TBCA: variants seen among roughly 807,000 people sequenced by gnomAD.
The protein encoded by TBCA is tubulin folding cofactor A.
In TBCA, 6 loss-of-function variants were observed where a neutral mutation model predicts 15.8. The observed-to-expected ratio is 0.38, with a 90% CI of 0.21 to 0.75. TBCA has a LOEUF of 0.75. Ranked by LOEUF, TBCA falls within the 30% of genes least tolerant of loss-of-function variation. The pLI, the probability that TBCA is intolerant of heterozygous loss-of-function variation, is 0.46. For synonymous variants in TBCA, 32 were observed against 42.3 expected (o/e 0.76, Z 0.94); for missense variants, 90 against 131.2 (o/e 0.69, Z 1.53).
At chr5:77,738,384 C>T (rs1167730974) in intron 1 of TBCA, among the ~76,000 whole-genome samples, 4 of 152,102 alleles carry the variant, frequency 2.6e-5, no homozygotes, top group Admixed American at 2.0e-4. Flanking sequence ...AGTTACTTGC[C>T]CCCTGACCCT....
intron 3 of TBCA, chr5:77,691,705 T>C: frequency 7.6e-7 from 1 of 1,307,346 alleles, no homozygotes; most frequent in Non-Finnish European, 9.7e-7. Context: ...CTGGTGGTTT[T>C]GTTTCACTGT....
intron 1 of TBCA, among the ~76,000 whole-genome samples, chr5:77,756,743 A>T (rs1478983606): frequency 1.3e-5 from 2 of 152,154 alleles, no homozygotes; most frequent in Non-Finnish European, 2.9e-5. Context: ...TTCACTGTAC[A>T]GGGTAGTCTC....
At chr5:77,735,703 A>T (rs889994792) in intron 1 of TBCA, among the ~76,000 whole-genome samples, 9 of 152,214 alleles carry the variant, frequency 5.9e-5, no homozygotes, top group African/African-American at 1.9e-4. Context: ...TCTATTAAAA[A>T]TTCAATACAA....
chr5:77,720,591 G>A (rs543900633), intron 1 of TBCA, among the ~76,000 whole-genome samples: 23 of 152,206 alleles, frequency 1.5e-4, no homozygotes, highest in African/African-American at 5.5e-4. Context: ...GCGGGCCCCT[G>A]TAATCCCAGC....
intron 2 of TBCA, among the ~76,000 whole-genome samples, chr5:77,696,416 A>G (rs553581897): frequency 6.6e-6 from 1 of 152,152 alleles, no homozygotes; most frequent in South Asian, 2.1e-4. Context: ...TGTAAGAAGA[A>G]TCTTAAGTCA....
Position 77,758,101 on chromosome 5 carries a change from A to T in TBCA, c.53+18104T>A, listed in dbSNP as rs183444320. ...TGGAAGAGACCTGAGAGGGTAACCTAAAGTACAAGTGTGGCGTTTGACCTT... is the reference window on the plus strand; with the variant it reads ...TGGAAGAGACCTGAGAGGGTAACCTTAAGTACAAGTGTGGCGTTTGACCTT... On this transcript the variant is annotated intron_variant, in intron 1 of 3. Coordinates refer to ENST00000380377, the MANE Select transcript of TBCA (RefSeq NM_004607.3). Among the ~76,000 whole-genome samples the T allele has an allele frequency of 3.9e-5, 6 of 152,342 alleles. No homozygotes were observed. The East Asian group carries it at 1.2e-3, about 29-fold the overall frequency.
chr5:77,720,281 G>GGTTTT (rs1393006542), intron 1 of TBCA, among the ~76,000 whole-genome samples: 2 of 152,060 alleles, frequency 1.3e-5, no homozygotes, highest in Non-Finnish European at 2.9e-5. Flanking sequence ...GCATGTGAGG[G>GGTTTT]GTTTTGTTTT....
At chr5:77,698,178 A>C (rs1253329597) in intron 2 of TBCA, among the ~76,000 whole-genome samples, 2 of 152,102 alleles carry the variant, frequency 1.3e-5, no homozygotes, top group Middle Eastern at 3.2e-3. Context: ...AGAAAAAAAA[A>C]AAAACACACT....
chr5:77,727,642 G>T (rs1746661218), intron 1 of TBCA, among the ~76,000 whole-genome samples: 1 of 152,022 alleles, frequency 6.6e-6, no homozygotes, highest in Non-Finnish European at 1.5e-5. Flanking sequence ...TCTTTCCCCA[G>T]ATTAAGAAAC....
At chr5:77,715,074 TAA>T in intron 1 of TBCA, 1 of 579,614 alleles carries the variant, frequency 1.7e-6, no homozygotes, top group Non-Finnish European at 3.1e-6. Context: ...GTTTGCAATT[TAA>T]AATAGGATTG....
At chr5:77,721,950 AG>A (rs1413928521) in intron 1 of TBCA, among the ~76,000 whole-genome samples, 10 of 152,106 alleles carry the variant, frequency 6.6e-5, no homozygotes, top group African/African-American at 1.9e-4. Context: ...CTTAAACAGG[AG>A]AATAGTATTG....
chr5:77,759,900 C>A (rs1230852758), intron 1 of TBCA, among the ~76,000 whole-genome samples: 1 of 152,162 alleles, frequency 6.6e-6, no homozygotes, highest in African/African-American at 2.4e-5. Flanking sequence ...AGAAGGCCTG[C>A]TAATTCATTA....
At chr5:77,697,529 G>T (rs1745899020) in intron 2 of TBCA, among the ~76,000 whole-genome samples, 1 of 151,732 alleles carries the variant, frequency 6.6e-6, no homozygotes, top group Admixed American at 6.6e-5. Context: ...TAGCCCATGG[G>T]CCAAAAAAAA....
intron 2 of TBCA, among the ~76,000 whole-genome samples, chr5:77,695,311 A>G (rs1745848372): frequency 6.6e-6 from 1 of 152,208 alleles, no homozygotes; most frequent in African/African-American, 2.4e-5. Context: ...AGGCTCTCCC[A>G]TACACTACCC....
chr5:77,761,804 C>G (rs1254971437), intron 1 of TBCA, among the ~76,000 whole-genome samples: 3 of 151,450 alleles, frequency 2.0e-5, no homozygotes, highest in Non-Finnish European at 2.9e-5. Context: ...TTGTTTTTGT[C>G]TCTTCACTCT....
intron 1 of TBCA, among the ~76,000 whole-genome samples, chr5:77,715,499 TG>T (rs1170301607): frequency 6.6e-6 from 1 of 152,312 alleles, no homozygotes; most frequent in African/African-American, 2.4e-5. Context: ...AAAGAAGTCA[TG>T]TTTTTTCTCT....
At chr5:77,696,389 T>C (rs1323589972) in intron 2 of TBCA, among the ~76,000 whole-genome samples, 2 of 152,298 alleles carry the variant, frequency 1.3e-5, no homozygotes, top group African/African-American at 2.4e-5. Context: ...TTGTGGTTAT[T>C]GCTAAATGAG....
At chr5:77,697,613 G>C (rs769331708) in intron 2 of TBCA, among the ~76,000 whole-genome samples, 3 of 152,056 alleles carry the variant, frequency 2.0e-5, no homozygotes, top group Non-Finnish European at 4.4e-5. Flanking sequence ...AGCTAAAGCA[G>C]TGTCTGTTGG....
intron 1 of TBCA, among the ~76,000 whole-genome samples, chr5:77,772,688 G>A (rs1170746759): frequency 6.6e-6 from 1 of 152,028 alleles, no homozygotes; most frequent in East Asian, 1.9e-4. Context: ...ATACATAAGT[G>A]GGAAGCTATA....
Sources: gnomAD v4.1 joint callset for allele counts (sites outside exome capture counted in the v4.1 genomes callset) on GRCh38, gnomAD v4.1.1 for gene constraint, MANE v1.5 for transcripts, NCBI Gene and HGNC (gene_info 2026-07-23, HGNC 2026-07-21) for gene names.